CCDC88C: variants seen among roughly 807,000 people sequenced by gnomAD.
CCDC88C encodes the protein coiled-coil and HOOK domain protein 88C.
CCDC88C carries 131 observed loss-of-function variants against 198.8 expected under a neutral mutation model. That is an observed-to-expected ratio of 0.66 (90% CI 0.57 to 0.76). The LOEUF (loss-of-function observed/expected upper bound fraction) is 0.76, where lower values mean the gene tolerates loss of function less well. Among genes scored for constraint, CCDC88C ranks in the 30% least tolerant of loss-of-function variants. The pLI, the probability that CCDC88C is intolerant of heterozygous loss-of-function variation, is 0.00. For synonymous variants in CCDC88C, 1,166 were observed against 1,114.7 expected, an observed-to-expected ratio of 1.05 and a Z score of -0.92; for missense variants, 2,553 against 2,631.6, an observed-to-expected ratio of 0.97 and a Z score of 0.65.
chr14:91,297,627 CTT>C (rs5810533), intron 21 of CCDC88C, 136 bp from the exon 22 acceptor site: 10,674 of 612,886 alleles, frequency 0.017, no homozygotes, highest in Middle Eastern at 0.022. Flanking sequence ...CCTCTCTGGG[CTT>C]TTTTTTTTTT....
chr14:91,309,840 A>G lies in CCDC88C; in HGVS notation c.2864+19T>C. 6.3e-7 allele frequency: 1 copy of G among 1,598,964 alleles called. No homozygotes were observed. The highest frequency in any genetic ancestry group is 8.6e-7 in the Non-Finnish European group (1 of 1,168,564). ...GAGGAAGTGCTCCCACGATGGGGAGAGGGAGAAGAGGCCCTCACGTGTCAC... is the reference window on the plus strand; with the variant it reads ...GAGGAAGTGCTCCCACGATGGGGAGGGGGAGAAGAGGCCCTCACGTGTCAC... On this transcript the variant is annotated intron_variant, in intron 16 of 29. Transcript: ENST00000389857.
At chr14:91,411,276 G>T (rs1180614156) in intron 2 of CCDC88C, among the ~76,000 whole-genome samples, 1 of 152,064 alleles carries the variant, frequency 6.6e-6, no homozygotes, top group African/African-American at 2.4e-5. Flanking sequence ...AAGAGACATG[G>T]GTTCTAGCCC....
intron 3 of CCDC88C, chr14:91,379,719 G>A (rs1282454916): frequency 1.5e-6 from 1 of 657,044 alleles, no homozygotes; most frequent in Non-Finnish European, 2.8e-6. Flanking sequence ...AGAGCCCACA[G>A]TGATGGCCTT....
chr14:91,417,255 G>A, intron 1 of CCDC88C: 1 of 698,556 alleles, frequency 1.4e-6, no homozygotes, highest in South Asian at 1.5e-5. Flanking sequence ...AACTACATGA[G>A]ATATTTGGTT....
chr14:91,392,829 G>A (rs1885597136), intron 3 of CCDC88C, among the ~76,000 whole-genome samples: 1 of 151,546 alleles, frequency 6.6e-6, no homozygotes, highest in Admixed American at 6.6e-5. Context: ...TCCTGGGAGA[G>A]GCAGAGGCTG....
intron 17 of CCDC88C, among the ~76,000 whole-genome samples, chr14:91,307,931 A>G (rs534455769): frequency 6.6e-6 from 1 of 152,368 alleles, no homozygotes; most frequent in Non-Finnish European, 1.5e-5. Context: ...GTGTTCACAC[A>G]TGTGGCAAAT....
At chr14:91,293,128 CA>C (rs1319663364) in intron 23 of CCDC88C, among the ~76,000 whole-genome samples, 3 of 147,626 alleles carry the variant, frequency 2.0e-5, no homozygotes, top group East Asian at 2.0e-4. Flanking sequence ...CCTCACTTGC[CA>C]CAGCCCACCT....
At chr14:91,395,518 C>T (rs539594023) in intron 3 of CCDC88C, among the ~76,000 whole-genome samples, 1 of 152,174 alleles carries the variant, frequency 6.6e-6, no homozygotes, top group Non-Finnish European at 1.5e-5. Flanking sequence ...GAGCTCTCAT[C>T]ATTCCTGCCT....
chr14:91,275,389 A>G (rs1889910973), intron 29 of CCDC88C, among the ~76,000 whole-genome samples: 2 of 152,318 alleles, frequency 1.3e-5, no homozygotes, highest in East Asian at 1.9e-4. Context: ...TAAGGGGCAT[A>G]TAACAAAAAA....
intron 13 of CCDC88C, among the ~76,000 whole-genome samples, chr14:91,319,583 G>A (rs939791086): frequency 2.0e-5 from 3 of 152,208 alleles, no homozygotes; most frequent in Admixed American, 1.3e-4. Flanking sequence ...CTCAACGTCT[G>A]GTATTCGGTA....
At position 91,338,576 on chromosome 14, in the gene CCDC88C, G is replaced by A; in HGVS notation, c.810-6C>T. Reference sequence around the variant, plus strand: ...GCTGCTCTGTCTTATCCTCCCTGCAGAGGCAGTAAGGAGAAAGAGTGTGGG... The same window carrying A: ...GCTGCTCTGTCTTATCCTCCCTGCAAAGGCAGTAAGGAGAAAGAGTGTGGG... On this transcript the variant is annotated splice_polypyrimidine_tract_variant and splice_region_variant and intron_variant, in intron 8 of 29. Transcript: ENST00000389857. This position sits in a 1 kb window ranked among gnomAD's most constrained non-coding sequence, Gnocchi z 4.8. The A allele has an allele frequency of 6.4e-7, 1 of 1,556,510 alleles. No individual in the cohort carries two copies. The highest frequency in any genetic ancestry group is 8.7e-7 in the Non-Finnish European group (1 of 1,149,438).
rs1456577330 is a variant in CCDC88C at position 91,303,799 on chromosome 14, C to T, written c.3537G>A (p.Glu1179=). The change falls in exon 20 of 30, where the codon GAG becomes GAA. Residue 1179 remains glutamate, a synonymous_variant. Transcript: ENST00000389857. ...QDHEHLGTLH[E]RQSAEYEALI... is the part of the protein sequence containing the mutation. ...GGGCCTCGTACTCGGCCGATTGCCG[C>T]TCGTGCAGCGTGCCCAGGTGCTCGT... 6.2e-7 allele frequency: 1 copy of T among 1,613,472 alleles called. No individual in the cohort carries two copies. Among genetic ancestry groups the T allele is most frequent in the Admixed American group, 1.7e-5 (1 of 60,020 alleles).
In CCDC88C at chr14:91,417,772, C is replaced by T. The variant is rs3742653; in HGVS notation, c.-82G>A. ...GCCGCGGCACAAAACGGCTCCGCAG[C>T]GAGCAGCGGGCGCGGGGCTGCGGCG... On this transcript the variant is annotated 5_prime_UTR_variant, in exon 1 of 30. Transcript: ENST00000389857. The T allele has an allele frequency of 9.4e-7, 1 of 1,063,210 alleles. No individual in the cohort carries two copies. The highest frequency in any genetic ancestry group is 1.2e-6 in the Non-Finnish European group (1 of 831,530). The allele number at this position is 1,063,210 out of a possible 1,614,324, so 65.9% of individuals were successfully genotyped here.
At chr14:91,395,002 G>C (rs1042572768) in intron 3 of CCDC88C, among the ~76,000 whole-genome samples, 8 of 152,104 alleles carry the variant, frequency 5.3e-5, no homozygotes, top group African/African-American at 1.9e-4. Context: ...CTGAGTACAA[G>C]GCCTTTGTAG....
chr14:91,309,605 G>A (rs1450539459), intron 16 of CCDC88C, among the ~76,000 whole-genome samples: 3 of 116,182 alleles, frequency 2.6e-5, no homozygotes, highest in African/African-American at 1.2e-4. Context: ...GCCAGACCCT[G>A]TCTCAAAAAA....
In CCDC88C at chr14:91,272,994, G is replaced by T. The variant is rs756166689; in HGVS notation, c.5718C>A (p.Pro1906=). The change falls in exon 30 of 30, where the codon CCC becomes CCA. Residue 1906 remains proline, a synonymous_variant. Transcript: ENST00000389857. ...CACCAGCACCTGCAGTGGCAATGGC[G>T]GGGGCTGTGGCAGACTGATGCAGGG... ...LAPLHQSATA[P]AIATAGAGAA... is the part of the protein sequence containing the mutation. The T allele has an allele frequency of 1.3e-6, 2 of 1,552,726 alleles. No individual in the cohort carries two copies.
chr14:91,397,397 C>G (rs1036379690), intron 3 of CCDC88C, among the ~76,000 whole-genome samples: 1 of 152,218 alleles, frequency 6.6e-6, no homozygotes, highest in African/African-American at 2.4e-5. Flanking sequence ...GGTCTTGACT[C>G]AAGTCCTAGA....
chr14:91,315,798 A>G lies in CCDC88C; in HGVS notation c.1528-11T>C, dbSNP rs1409237859. The G allele has an allele frequency of 6.2e-7, 1 of 1,609,522 alleles. No homozygotes were observed. The highest frequency in any genetic ancestry group is 1.1e-5 in the South Asian group (1 of 90,188). On this transcript the variant is annotated splice_polypyrimidine_tract_variant and intron_variant, in intron 13 of 29. Coordinates refer to ENST00000389857, the MANE Select transcript of CCDC88C (RefSeq NM_001080414.4). ...TTGTAACTTTTCAATCTGCAGAACC[A>G]AAAGACCCAGCCCAGTGCAGACATC...
At chr14:91,328,636 G>A (rs1265346347) in intron 10 of CCDC88C, among the ~76,000 whole-genome samples, 1 of 152,164 alleles carries the variant, frequency 6.6e-6, no homozygotes, top group Non-Finnish European at 1.5e-5. Context: ...GATTAGGCAC[G>A]GGAGCTAACG....
Sources: allele counts gnomAD v4.1 joint callset (sites outside exome capture counted in the v4.1 genomes callset), GRCh38; gene constraint gnomAD v4.1.1; non-coding constraint Gnocchi (gnomAD v3.1); transcripts MANE v1.5; gene names NCBI Gene and HGNC (gene_info 2026-07-23, HGNC 2026-07-21).